RFX6: variants seen among roughly 807,000 people sequenced by gnomAD.
The protein encoded by RFX6 is DNA-binding protein RFX6.
A neutral mutation model predicts 110.8 loss-of-function variants in RFX6; 50 were observed. That is an observed-to-expected ratio of 0.45 (90% CI 0.36 to 0.57). RFX6 has a LOEUF of 0.57. Among genes scored for constraint, RFX6 ranks in the 20% least tolerant of loss-of-function variants. The pLI is 0.00. For missense variants in RFX6, 990 were observed against 1,127.0 expected (o/e 0.88, Z 1.74); for synonymous variants, 383 against 411.2 (o/e 0.93, Z 0.83).
chr6:116,929,860 T>G (rs1775843566), intron 18 of RFX6, among the ~76,000 whole-genome samples: 1 of 152,174 alleles, frequency 6.6e-6, no homozygotes, highest in African/African-American at 2.4e-5. Context: ...ATTTCATCTC[T>G]CCTCACTCAG....
intron 14 of RFX6, chr6:116,923,468 T>G (rs1057419094): frequency 4.3e-5 from 22 of 510,502 alleles, no homozygotes; most frequent in African/African-American, 3.7e-4. Flanking sequence ...GGGAAGAATA[T>G]TCTCTTCGAA....
At chr6:116,904,765 G>A (rs1193584944) in intron 6 of RFX6, among the ~76,000 whole-genome samples, 1 of 152,184 alleles carries the variant, frequency 6.6e-6, no homozygotes, top group African/African-American at 2.4e-5. Context: ...GAGCCATACA[G>A]TATTTGTCTT....
intron 4 of RFX6, among the ~76,000 whole-genome samples, chr6:116,886,519 A>G (rs339327): frequency 0.29 from 44,107 of 152,062 alleles, 6,577 homozygotes; most frequent in South Asian, 0.38. Context: ...AATCTATGTG[A>G]CAAAGAGATG....
chr6:116,917,063 G>A (rs886682629), intron 9 of RFX6, among the ~76,000 whole-genome samples: 1 of 152,100 alleles, frequency 6.6e-6, no homozygotes, highest in African/African-American at 2.4e-5. Flanking sequence ...TAAACATTTA[G>A]GAAATAAAAT....
chr6:116,896,297 A>G (rs1290327190), intron 6 of RFX6, among the ~76,000 whole-genome samples: 2 of 152,328 alleles, frequency 1.3e-5, no homozygotes, highest in African/African-American at 2.4e-5. Context: ...AGAAGAGGAC[A>G]CTGCAAATAC....
At chr6:116,930,289 A>G (rs1047479585) in intron 18 of RFX6, among the ~76,000 whole-genome samples, 2 of 151,260 alleles carry the variant, frequency 1.3e-5, no homozygotes, top group Admixed American at 6.6e-5. Context: ...TTAGACAGAG[A>G]GCACGTCATG....
intron 6 of RFX6, among the ~76,000 whole-genome samples, chr6:116,900,317 G>A (rs561877606): frequency 1.1e-3 from 164 of 152,114 alleles, no homozygotes; most frequent in African/African-American, 3.7e-3. Context: ...GTGCAGTGGC[G>A]TGATATGGCT....
At chr6:116,878,094 A>AT (rs1562130469) in intron 2 of RFX6, 142 bp downstream of exon 2, 1 of 864,034 alleles carries the variant, frequency 1.2e-6, no homozygotes, top group Non-Finnish European at 1.8e-6. Flanking sequence ...TTAACCCAGA[A>AT]TTTTTTTCAC....
chr6:116,898,552 CA>C (rs1774999385), intron 6 of RFX6, among the ~76,000 whole-genome samples: 1 of 151,982 alleles, frequency 6.6e-6, no homozygotes, highest in Non-Finnish European at 1.5e-5. Flanking sequence ...GCTAATAAAA[CA>C]GGAACAGTAA....
intron 6 of RFX6, among the ~76,000 whole-genome samples, chr6:116,906,218 C>T (rs1211946635): frequency 6.6e-6 from 1 of 152,136 alleles, no homozygotes; most frequent in Non-Finnish European, 1.5e-5. Flanking sequence ...CTGTTCTATT[C>T]CATTGGTTTA....
rs183340196 is a variant in RFX6 at position 116,895,323 on chromosome 6, T to C, written c.672+116T>C. ...AGAAATAAATGTTATTTATTAGGAATTCCTTGACGAAGGACTTCAGATACA... is the reference window on the plus strand; with the variant it reads ...AGAAATAAATGTTATTTATTAGGAACTCCTTGACGAAGGACTTCAGATACA... On this transcript the variant is annotated intron_variant, in intron 6 of 18. Transcript: ENST00000332958. 2.2e-5 allele frequency: 14 copies of C among 638,332 alleles called. No homozygotes were observed. In the African/African-American group the frequency reaches 2.5e-4, roughly 12 times the overall value. The allele number at this position is 638,332 out of a possible 1,614,324, so 39.5% of individuals were successfully genotyped here.
chr6:116,930,097 T>G (rs1411361973), intron 18 of RFX6, among the ~76,000 whole-genome samples: 1 of 152,196 alleles, frequency 6.6e-6, no homozygotes, highest in Non-Finnish European at 1.5e-5. Context: ...CCTGAAGAGA[T>G]AGTGGAAGCT....
At chr6:116,878,627 C>G (rs630045) in intron 2 of RFX6, among the ~76,000 whole-genome samples, 44,064 of 151,620 alleles carry the variant, frequency 0.29, 6,579 homozygotes, top group South Asian at 0.38. Context: ...AAAGACGGCT[C>G]TAAAGTAAAA....
rs1774592027 is a variant in RFX6, at chr6:116,881,652, C to A, written c.505-715C>A. Among the ~76,000 whole-genome samples, 3 of 152,116 alleles carry A rather than the reference C, an allele frequency of 2.0e-5. 1 individual carries two copies. The South Asian group carries it at 6.2e-4, about 32-fold the overall frequency. On this transcript the variant is annotated intron_variant, in intron 3 of 18. Transcript: ENST00000332958. ...TATTAAATGAGGAGTTTGGATAAGA[C>A]AACTTCTAATATCCATATTAACATT...
At chr6:116,899,487 G>A (rs763408535) in intron 6 of RFX6, among the ~76,000 whole-genome samples, 4 of 152,096 alleles carry the variant, frequency 2.6e-5, no homozygotes, top group African/African-American at 4.8e-5. Flanking sequence ...CTGCAGCAGA[G>A]TTTAGGTACC....
chr6:116,889,804 A>G (rs1488304514), intron 4 of RFX6, among the ~76,000 whole-genome samples: 2 of 152,128 alleles, frequency 1.3e-5, no homozygotes, highest in African/African-American at 4.8e-5. Context: ...ATATGATATT[A>G]TATGAAATCT....
chr6:116,883,021 G>A (rs934934725), intron 4 of RFX6, among the ~76,000 whole-genome samples: 3 of 152,096 alleles, frequency 2.0e-5, no homozygotes, highest in African/African-American at 7.2e-5. Flanking sequence ...TCATTCAACA[G>A]CTATTTTCTA....
At chr6:116,922,756 G>A (rs1180431603) in intron 13 of RFX6, among the ~76,000 whole-genome samples, 1 of 152,100 alleles carries the variant, frequency 6.6e-6, no homozygotes, top group Non-Finnish European at 1.5e-5. Context: ...AGAAGTCAGA[G>A]TTAATCATTC....
Position 116,925,496 on chromosome 6 carries a change from T to A in RFX6, c.1722T>A (p.Phe574Leu). 1 of 1,614,204 alleles carries A rather than the reference T, an allele frequency of 6.2e-7. No homozygotes were observed. The change falls in exon 16 of 19, where the codon TTT (phenylalanine) becomes TTA (leucine). Residue 574 changes from phenylalanine (F) to leucine (L), a missense_variant. This residue lies in a region of RFX6 where 89 missense variants were observed against 140.3 expected (regional missense o/e 0.63). Transcript: ENST00000332958. ...TCACTGCTTCTCCGAGTTCATGCTTTCTGGCCAACCGTAATAAAGGGAGCA... is the reference window on the plus strand; with the variant it reads ...TCACTGCTTCTCCGAGTTCATGCTTACTGGCCAACCGTAATAAAGGGAGCA... ...AAFTASPSSC[F>L]LANRNKGSMV...
Sources: gnomAD v4.1 joint callset for allele counts (sites outside exome capture counted in the v4.1 genomes callset) on GRCh38, gnomAD v4.1.1 for gene constraint, gnomAD v4.1.1 regional missense constraint, MANE v1.5 for transcripts, NCBI Gene and HGNC (gene_info 2026-07-23, HGNC 2026-07-21) for gene names.